GLIS3: variants seen among roughly 807,000 people sequenced by gnomAD.
GLIS3 encodes GLIS family zinc finger 3, also known as zinc finger protein GLIS3.
A neutral mutation model predicts 78.6 loss-of-function variants in GLIS3; 53 were observed. That is an observed-to-expected ratio of 0.67 (90% CI 0.54 to 0.85). The LOEUF (loss-of-function observed/expected upper bound fraction) is 0.85, where lower values mean the gene tolerates loss of function less well. Among genes scored for constraint, GLIS3 ranks in the 40% least tolerant of loss-of-function variants. The probability of loss-of-function intolerance (pLI) is 0.00; values close to 1 mark genes in which losing one functional copy is unlikely to be tolerated. For missense variants in GLIS3, 1,703 were observed against 1,231.1 expected (o/e 1.38, Z -5.74); for synonymous variants, 684 against 509.9 (o/e 1.34, Z -4.60).
chr9:4,461,996 C>A, the GLIS3 span, among the ~76,000 whole-genome samples: 2 of 152,038 alleles, frequency 1.3e-5, no homozygotes, highest in East Asian at 3.9e-4. Context: ...ACTATAAGAT[C>A]TACAAATTTT....
chr9:4,416,422 G>C, the GLIS3 span, among the ~76,000 whole-genome samples: 1 of 151,914 alleles, frequency 6.6e-6, no homozygotes, highest in Non-Finnish European at 1.5e-5. Context: ...TTGCTATGTA[G>C]TACACTGTAA....
intron 9 of GLIS3, among the ~76,000 whole-genome samples, chr9:3,845,576 G>A (rs1240476285): frequency 6.6e-6 from 1 of 152,150 alleles, no homozygotes; most frequent in Non-Finnish European, 1.5e-5. Flanking sequence ...AAGTCAGTAA[G>A]AATTTGTAAA....
rs1817833935 is a variant in GLIS3 at position 4,341,476 on chromosome 9, C to G, written n.264+5605G>C. ...TCATTTCACATTCAAGGTCACTGATCTCCAGTAGATCCTTAATGCTGCCCT... is the reference window on the plus strand; with the variant it reads ...TCATTTCACATTCAAGGTCACTGATGTCCAGTAGATCCTTAATGCTGCCCT... On this transcript the variant is annotated intron_variant and non_coding_transcript_variant, in intron 2 of 4. Coordinates refer to the GLIS3 transcript ENST00000471664. Among the ~76,000 whole-genome samples the G allele has an allele frequency of 2.0e-5, 3 of 152,226 alleles. No homozygotes were observed. In the South Asian group the frequency reaches 6.2e-4, roughly 31 times the overall value.
chr9:3,990,829 T>C (rs1820173850), intron 4 of GLIS3, among the ~76,000 whole-genome samples: 1 of 152,202 alleles, frequency 6.6e-6, no homozygotes, highest in South Asian at 2.1e-4. Flanking sequence ...TCATACAAAT[T>C]TAATGACAGA....
chr9:3,857,880 C>T (rs1023266900), intron 8 of GLIS3, among the ~76,000 whole-genome samples: 4 of 152,078 alleles, frequency 2.6e-5, no homozygotes, highest in Admixed American at 6.6e-5. Context: ...TCTGGGGGAA[C>T]GTGTTTTTAA....
chr9:4,408,830 A>G, the GLIS3 span, among the ~76,000 whole-genome samples: 2 of 152,060 alleles, frequency 1.3e-5, no homozygotes, highest in African/African-American at 4.8e-5. Context: ...ACATCTTAAA[A>G]TAACTAAAAG....
chr9:4,047,816 T>C (rs951522508), intron 4 of GLIS3, among the ~76,000 whole-genome samples: 4 of 152,220 alleles, frequency 2.6e-5, no homozygotes, highest in Non-Finnish European at 5.9e-5. Flanking sequence ...AAAGCCAACA[T>C]TCCTGACCTC....
chr9:3,955,564 C>T (rs920962826), intron 4 of GLIS3, among the ~76,000 whole-genome samples: 1 of 152,006 alleles, frequency 6.6e-6, no homozygotes, highest in African/African-American at 2.4e-5. Context: ...AAAAAGGGGT[C>T]ATGAGCAGTA....
At chr9:4,430,368 T>C in the GLIS3 span, among the ~76,000 whole-genome samples, 3 of 151,476 alleles carry the variant, frequency 2.0e-5, no homozygotes, top group South Asian at 6.2e-4. Flanking sequence ...ACATAACATA[T>C]CTGCAGGAGG....
chr9:4,200,020 C>A lies in GLIS3; in HGVS notation c.389-74079G>T, dbSNP rs192030374. Among the ~76,000 whole-genome samples the A allele has an allele frequency of 4.7e-3, 715 of 152,242 alleles. 2 individuals carry two copies. Among genetic ancestry groups the A allele is most frequent in the Non-Finnish European group, 7.1e-3 (486 of 68,012 alleles). On this transcript the variant is annotated intron_variant, in intron 2 of 10. Transcript: ENST00000381971. ...ACCAAGAAGACCTCTCAAAACCACACAATTACATGGAAATTAACTTACTTC... is the reference window on the plus strand; with the variant it reads ...ACCAAGAAGACCTCTCAAAACCACAAAATTACATGGAAATTAACTTACTTC...
At chr9:4,306,047 T>C (rs10758599) in intron 4 of GLIS3, 12 of 152,250 alleles carry the variant, frequency 7.9e-5, no homozygotes, top group African/African-American at 2.9e-4. Context: ...TATTATACTT[T>C]GCTTTTATGA....
rs796232077 is a variant in GLIS3 at position 3,987,696 on chromosome 9, TA to T, written c.1711-50508del. Among the ~76,000 whole-genome samples the T allele has an allele frequency of 3.6e-3, 235 of 64,596 alleles. 1 individual carries two copies. The highest frequency in any genetic ancestry group is 9.4e-3 in the African/African-American group (156 of 16,550). 42.4% of individuals were successfully genotyped at this position (64,596 alleles called of 152,430 possible). A position where few individuals can be genotyped will look rare whatever the true frequency, so the allele number is the denominator to read the frequency against. On this transcript the variant is annotated intron_variant, in intron 4 of 10. Transcript: ENST00000381971. ...TGGGCGACAAGAGTGAAACAACGTTTAAAAAAAAAAAAGAAAAAGAAAAGAA... is the reference window on the plus strand; with the variant it reads ...TGGGCGACAAGAGTGAAACAACGTTTAAAAAAAAAAAGAAAAAGAAAAGAA...
the GLIS3 span, among the ~76,000 whole-genome samples, chr9:4,379,262 C>G: frequency 6.6e-6 from 1 of 152,182 alleles, no homozygotes; most frequent in African/African-American, 2.4e-5. Flanking sequence ...CATTTGCTGG[C>G]TATGGGTCTC....
At chr9:4,224,849 C>T (rs561560975) in intron 2 of GLIS3, among the ~76,000 whole-genome samples, 1 of 151,888 alleles carries the variant, frequency 6.6e-6, no homozygotes, top group South Asian at 2.1e-4. Context: ...TAGTGACTTG[C>T]ACTTTTCAAA....
the GLIS3 span, among the ~76,000 whole-genome samples, chr9:4,458,334 A>C: frequency 6.6e-6 from 1 of 152,316 alleles, no homozygotes; most frequent in South Asian, 2.1e-4. Flanking sequence ...GTCTCCCCTC[A>C]AGGAGCTCTT....
chr9:4,275,443 G>A (rs1041887963), intron 2 of GLIS3, among the ~76,000 whole-genome samples: 2 of 152,074 alleles, frequency 1.3e-5, no homozygotes, highest in Admixed American at 1.3e-4. Flanking sequence ...GTCCTATTCA[G>A]TGTAAAACCA....
chr9:3,844,310 G>A (rs1818909197), intron 9 of GLIS3, among the ~76,000 whole-genome samples: 1 of 152,038 alleles, frequency 6.6e-6, no homozygotes, highest in Non-Finnish European at 1.5e-5. Flanking sequence ...ATTTATAAGG[G>A]TAATTCCAGT....
intron 2 of GLIS3, among the ~76,000 whole-genome samples, chr9:4,311,048 G>A (rs144068668): frequency 1.3e-5 from 2 of 152,222 alleles, no homozygotes; most frequent in African/African-American, 4.8e-5. Context: ...CTTTATAGAA[G>A]TGCCTAATCC....
At chr9:4,417,640 T>C in the GLIS3 span, among the ~76,000 whole-genome samples, 4 of 152,346 alleles carry the variant, frequency 2.6e-5, no homozygotes, top group African/African-American at 9.6e-5. Context: ...GAATATCTTG[T>C]AGTGAAATTG....
Sources: allele counts gnomAD v4.1 joint callset (sites outside exome capture counted in the v4.1 genomes callset), GRCh38; gene constraint gnomAD v4.1.1; transcripts MANE v1.5; gene names NCBI Gene and HGNC (gene_info 2026-07-23, HGNC 2026-07-21).